Variants in TTLL7 observed in about 807,000 individuals in gnomAD.
TTLL7 encodes tubulin polyglutamylase TTLL7.
TTLL7 carries 53 observed loss-of-function variants against 120.2 expected under a neutral mutation model. The observed-to-expected ratio is 0.44, with a 90% confidence interval of 0.35 to 0.55. The LOEUF (loss-of-function observed/expected upper bound fraction) is 0.55. TTLL7 is among the 20% of genes least tolerant of loss of function. The probability of loss-of-function intolerance (pLI) is 0.00; values close to 1 mark genes in which losing one functional copy is unlikely to be tolerated. For synonymous variants in TTLL7, 353 were observed against 351.7 expected (o/e 1.00, Z -0.04); for missense variants, 803 against 1,054.7 (o/e 0.76, Z 3.31).
At chr1:83,957,610 A>C (rs1452098179) in intron 1 of TTLL7, among the ~76,000 whole-genome samples, 10 of 152,166 alleles carry the variant, frequency 6.6e-5, no homozygotes, top group Admixed American at 6.5e-4. Context: ...ACAAAGTCAC[A>C]CATCTAATAG....
intron 12 of TTLL7, 54 bp from the exon 13 acceptor site, chr1:83,919,888 T>G: frequency 6.4e-7 from 1 of 1,552,844 alleles, no homozygotes; most frequent in Non-Finnish European, 8.8e-7. Flanking sequence ...CGTAGCTCAA[T>G]AGTTAACATC....
At chr1:83,938,738 G>T (rs1032319810) in intron 7 of TTLL7, among the ~76,000 whole-genome samples, 1 of 152,042 alleles carries the variant, frequency 6.6e-6, no homozygotes, top group African/African-American at 2.4e-5. Flanking sequence ...CCTCATAATT[G>T]TCAATTAATA....
chr1:83,983,407 C>G (rs1346198759), intron 1 of TTLL7, among the ~76,000 whole-genome samples: 1 of 152,112 alleles, frequency 6.6e-6, no homozygotes, highest in African/African-American at 2.4e-5. Flanking sequence ...AACTGGCTAG[C>G]CACATGCAGA....
At chr1:83,890,640 C>T (rs1655388499) in intron 18 of TTLL7, among the ~76,000 whole-genome samples, 159 bp from the exon 19 acceptor site, 1 of 152,014 alleles carries the variant, frequency 6.6e-6, no homozygotes, top group African/African-American at 2.4e-5. Context: ...CATTATGGCC[C>T]ACATCTGTAG....
chr1:83,917,294 T>C (rs1382090059), intron 14 of TTLL7, among the ~76,000 whole-genome samples: 2 of 152,164 alleles, frequency 1.3e-5, no homozygotes, highest in Non-Finnish European at 2.9e-5. Flanking sequence ...TTGATAATTA[T>C]CTGTCTAGAG....
intron 1 of TTLL7, among the ~76,000 whole-genome samples, chr1:83,967,932 A>G (rs1650627296): frequency 6.6e-6 from 1 of 152,086 alleles, no homozygotes; most frequent in Non-Finnish European, 1.5e-5. Context: ...AAGGCATACA[A>G]GAAAGGAAGA....
chr1:83,930,969 T>C (rs1238597957), intron 9 of TTLL7, among the ~76,000 whole-genome samples: 4 of 151,750 alleles, frequency 2.6e-5, no homozygotes, highest in Non-Finnish European at 5.9e-5. Flanking sequence ...AGGAAACCTT[T>C]TTCAATTTAG....
At position 83,921,105 on chromosome 1, in the gene TTLL7, C is replaced by A. The variant is rs1242389413; in HGVS notation, c.1346G>T (p.Arg449Leu). Residue 449 changes from arginine (R) to leucine (L), a missense_variant, in exon 12 of 21, where the codon CGA becomes CTA. Arg to Leu is a moderately radical substitution (Grantham distance 102). Around this residue, in one of 3 missense-constraint regions of TTLL7, gnomAD observed 324 missense variants for 507.7 expected, o/e 0.64. Transcript: ENST00000260505. ...CAGTTACCTATAATTCCCCATATGT[C>A]GATTTTCATGTTCTTCTCGTGAGAT... ...KQISREEHENRHMGNYRRIYP... is the reference protein window; with the variant it reads ...KQISREEHENLHMGNYRRIYP... 3 of 1,612,638 alleles carry A rather than the reference C, an allele frequency of 1.9e-6. No homozygotes were observed. The Admixed American group carries it at 5.0e-5, about 27-fold the overall frequency.
rs774505633 is a variant in TTLL7 at position 83,907,521 on chromosome 1, G to A, written c.1927C>T (p.Arg643Cys). The A allele has an allele frequency of 2.0e-5, 32 of 1,613,166 alleles. No individual in the cohort carries two copies. The highest frequency in any genetic ancestry group is 2.3e-5 in the Non-Finnish European group (27 of 1,179,440). ...TSASRSHSLNRASSYMRHLPH... is the reference protein window; with the variant it reads ...TSASRSHSLNCASSYMRHLPH... The stretch of plus-strand genomic sequence containing the variant: ...AGATGCCTCATGTAGGAGGAAGCAC[G>A]GTTTAAGGAATGTGACCGAGATGCA... The change falls in exon 16 of 21, where the codon CGT becomes TGT. Residue 643 changes from arginine (R) to cysteine (C), a missense_variant. Physicochemically the swap from Arg to Cys is radical, Grantham distance 180. Transcript: ENST00000260505.
intron 1 of TTLL7, chr1:83,983,996 T>C (rs1317406735): frequency 2.0e-5 from 3 of 152,002 alleles, no homozygotes; most frequent in Admixed American, 6.6e-5. Flanking sequence ...GAGGCTGAGA[T>C]AGAAGGACTG....
intron 1 of TTLL7, among the ~76,000 whole-genome samples, chr1:83,964,474 A>C (rs1287132585): frequency 6.6e-6 from 1 of 152,090 alleles, no homozygotes; most frequent in Non-Finnish European, 1.5e-5. Context: ...GTAGAAATGT[A>C]TCACCAATCT....
chr1:83,943,058 A>G (rs1648131482), intron 6 of TTLL7, among the ~76,000 whole-genome samples: 1 of 152,028 alleles, frequency 6.6e-6, no homozygotes, highest in African/African-American at 2.4e-5. Context: ...AGTTGTTTTG[A>G]CCTGTCTGGT....
At chr1:83,907,410 G>C in intron 16 of TTLL7, 46 bp downstream of exon 16, 1 of 1,557,894 alleles carries the variant, frequency 6.4e-7, no homozygotes, top group Non-Finnish European at 8.8e-7. Context: ...CTTTGCCTGA[G>C]TACAGAGCTC....
chr1:83,929,339 A>T, intron 9 of TTLL7, 109 bp from the exon 10 acceptor site: 1 of 710,432 alleles, frequency 1.4e-6, no homozygotes, highest in Non-Finnish European at 2.3e-6. Flanking sequence ...ATTAAACCTC[A>T]AAGCTTTACA....
intron 19 of TTLL7, among the ~76,000 whole-genome samples, chr1:83,883,516 A>C (rs1654708995): frequency 6.6e-6 from 1 of 151,932 alleles, no homozygotes; most frequent in Non-Finnish European, 1.5e-5. Context: ...TTTAGCCTTG[A>C]AGTAGCTGGG....
At chr1:83,964,477 A>T (rs890276601) in intron 1 of TTLL7, among the ~76,000 whole-genome samples, 1 of 152,066 alleles carries the variant, frequency 6.6e-6, no homozygotes, top group South Asian at 2.1e-4. Flanking sequence ...GAAATGTATC[A>T]CCAATCTGTT....
chr1:83,990,117 T>G (rs1449371679), intron 1 of TTLL7, among the ~76,000 whole-genome samples: 1 of 152,036 alleles, frequency 6.6e-6, no homozygotes, highest in Admixed American at 6.6e-5. Flanking sequence ...GTTTTCTAGG[T>G]ATTGGATCGT....
At chr1:83,891,825 C>T (rs1342926196) in intron 18 of TTLL7, among the ~76,000 whole-genome samples, 4 of 70,508 alleles carry the variant, frequency 5.7e-5, no homozygotes, top group African/African-American at 2.6e-4. Flanking sequence ...CTATATATAC[C>T]ATGATACCAC....
chr1:83,933,824 A>T (rs1390832267), intron 8 of TTLL7, 58 bp from the exon 9 acceptor site: 1 of 1,533,144 alleles, frequency 6.5e-7, no homozygotes, highest in Non-Finnish European at 8.8e-7. Context: ...CATATGTGCA[A>T]ATATAACCGG....
Sources: allele counts gnomAD v4.1 joint callset (sites outside exome capture counted in the v4.1 genomes callset), GRCh38; gene constraint gnomAD v4.1.1; regional missense constraint gnomAD v4.1.1; transcripts MANE v1.5; gene names NCBI Gene and HGNC (gene_info 2026-07-23, HGNC 2026-07-21).